CHST8: variants seen among roughly 807,000 people sequenced by gnomAD.
CHST8 encodes GALNAC-4-ST1.
CHST8 carries 10 observed loss-of-function variants against 15.0 expected under a neutral mutation model. That is an observed-to-expected ratio of 0.67 (90% CI 0.41 to 1.13). The LOEUF is 1.13. Ranked by LOEUF, CHST8 falls within the 50% of genes most tolerant of loss-of-function variation. The pLI is 0.00. For synonymous variants in CHST8, 259 were observed against 256.6 expected, an observed-to-expected ratio of 1.01 and a Z score of -0.09; for missense variants, 634 against 608.2, an observed-to-expected ratio of 1.04 and a Z score of -0.45.
At chr19:33,631,338 CTGTT>C (rs1972120000) in intron 1 of CHST8, among the ~76,000 whole-genome samples, 1 of 152,178 alleles carries the variant, frequency 6.6e-6, no homozygotes, top group African/African-American at 2.4e-5. Context: ...TTTCGTGTGT[CTGTT>C]TGAATCTCCT....
intron 1 of CHST8, among the ~76,000 whole-genome samples, chr19:33,639,135 T>C (rs1972245001): frequency 6.7e-6 from 1 of 149,530 alleles, no homozygotes; most frequent in African/African-American, 2.5e-5. Context: ...GCGATTACGT[T>C]CATCAGCTAT....
intron 1 of CHST8, among the ~76,000 whole-genome samples, chr19:33,629,692 G>A (rs1301840858): frequency 3.9e-5 from 6 of 152,248 alleles, no homozygotes; most frequent in Non-Finnish European, 7.3e-5. Context: ...AGCCCAGGTC[G>A]CTGTCACCTT....
At chr19:33,676,988 A>T (rs572183188) in intron 2 of CHST8, among the ~76,000 whole-genome samples, 121 of 152,230 alleles carry the variant, frequency 7.9e-4, no homozygotes, top group Non-Finnish European at 1.6e-3. Flanking sequence ...AATTTTTATT[A>T]TGAAAGTGTC....
Position 33,740,598 on chromosome 19 carries a change from C to T in CHST8, c.131-30815C>T, listed in dbSNP as rs530195032. On this transcript the variant is annotated intron_variant, in intron 3 of 4. Coordinates refer to ENST00000650847, the MANE Select transcript of CHST8 (RefSeq NM_001127895.2). ...ATACCACTGTGTTGAAACTGCAGCA[C>T]GAAGTTTCTCTGCCTCTTCTTTCTC... Among the ~76,000 whole-genome samples, 3 of 152,312 alleles carry T rather than the reference C, an allele frequency of 2.0e-5. No individual in the cohort carries two copies. In the East Asian group the frequency reaches 5.8e-4, roughly 29 times the overall value.
intron 3 of CHST8, among the ~76,000 whole-genome samples, chr19:33,767,408 C>T (rs180739473): frequency 6.6e-6 from 1 of 152,348 alleles, no homozygotes; most frequent in Admixed American, 6.5e-5. Context: ...CTGCCCCAAA[C>T]CCAGGCCTGA....
At chr19:33,740,767 G>A (rs1364065046) in intron 3 of CHST8, among the ~76,000 whole-genome samples, 1 of 152,096 alleles carries the variant, frequency 6.6e-6, no homozygotes, top group African/African-American at 2.4e-5. Flanking sequence ...GCATCATATG[G>A]GACAGTGCAC....
intron 2 of CHST8, among the ~76,000 whole-genome samples, chr19:33,677,029 A>C (rs1972818914): frequency 6.6e-6 from 1 of 152,212 alleles, no homozygotes; most frequent in Admixed American, 6.5e-5. Context: ...GAGCTGCTTC[A>C]AACAGCTGCT....
Position 33,621,955 on chromosome 19 carries a change from T to G in CHST8, c.-505T>G, listed in dbSNP as rs1971987480. On this transcript the variant is annotated 5_prime_UTR_variant, in exon 1 of 5. Coordinates refer to ENST00000650847, the MANE Select transcript of CHST8 (RefSeq NM_001127895.2). ...GCCTCGCCGGAGGCTTCGCTCTCAC[T>G]TCGCTGGGAGCCTTCCCGGCGCGCA... The G allele has an allele frequency of 6.6e-6, 1 of 151,906 alleles. No individual in the cohort carries two copies. The highest frequency in any genetic ancestry group is 2.0e-4 in the East Asian group (1 of 5,086). The allele number at this position is 151,906 out of a possible 1,614,324, so 9.4% of individuals were successfully genotyped here. A position where few individuals can be genotyped will look rare whatever the true frequency, so the allele number is the denominator to read the frequency against.
intron 3 of CHST8, among the ~76,000 whole-genome samples, chr19:33,721,138 A>T (rs1973781628): frequency 6.6e-6 from 1 of 152,192 alleles, no homozygotes; most frequent in Non-Finnish European, 1.5e-5. Context: ...CCAACCAGAA[A>T]GCTAGTGCTC....
At chr19:33,750,299 A>C (rs1974388686) in intron 3 of CHST8, among the ~76,000 whole-genome samples, 1 of 152,154 alleles carries the variant, frequency 6.6e-6, no homozygotes, top group Non-Finnish European at 1.5e-5. Context: ...GCCTCTCCTA[A>C]CTAGCCGTCT....
Position 33,703,997 on chromosome 19 carries a change from C to T in CHST8, c.130+14606C>T, listed in dbSNP as rs549533965. Among the ~76,000 whole-genome samples, 48 of 152,354 alleles carry T rather than the reference C, an allele frequency of 3.2e-4. No individual in the cohort carries two copies. In the South Asian group the frequency reaches 9.5e-3, roughly 30 times the overall value. On this transcript the variant is annotated intron_variant, in intron 3 of 4. Coordinates refer to ENST00000650847, the MANE Select transcript of CHST8 (RefSeq NM_001127895.2). The stretch of plus-strand genomic sequence containing the variant: ...AGCTCCTGGGGGCTTCTCATGTTCG[C>T]GTCTGGGGTCCCAGAGGGAAGTCGG...
chr19:33,649,482 G>T (rs142750243), intron 1 of CHST8, among the ~76,000 whole-genome samples: 1 of 152,292 alleles, frequency 6.6e-6, no homozygotes, highest in East Asian at 1.9e-4. Context: ...TTCGAGGGAG[G>T]GCAGGGTGGA....
At chr19:33,630,258 T>A (rs986393492) in intron 1 of CHST8, among the ~76,000 whole-genome samples, 1 of 152,126 alleles carries the variant, frequency 6.6e-6, no homozygotes, top group Non-Finnish European at 1.5e-5. Context: ...CAGGTTACAG[T>A]GTTGGTGCAG....
intron 1 of CHST8, among the ~76,000 whole-genome samples, chr19:33,625,324 G>A (rs568136350): frequency 4.1e-5 from 5 of 122,198 alleles, no homozygotes; most frequent in Admixed American, 7.9e-5. Flanking sequence ...CTCGTGATCC[G>A]CCCACCTTGG....
intron 3 of CHST8, among the ~76,000 whole-genome samples, chr19:33,691,078 C>G (rs1376297053): frequency 1.3e-5 from 2 of 152,194 alleles, no homozygotes; most frequent in Admixed American, 6.5e-5. Context: ...CTGGATGGGA[C>G]TGTGGTTTGG....
chr19:33,670,275 A>G (rs1478197093), intron 2 of CHST8, among the ~76,000 whole-genome samples: 1 of 152,220 alleles, frequency 6.6e-6, no homozygotes, highest in Middle Eastern at 3.2e-3. Context: ...AGTGAATTCA[A>G]ATTGCACACT....
At chr19:33,685,980 G>A (rs1454314026) in intron 2 of CHST8, among the ~76,000 whole-genome samples, 1 of 152,164 alleles carries the variant, frequency 6.6e-6, no homozygotes, top group Admixed American at 6.5e-5. Context: ...GGGGAGGCAC[G>A]CTGACCTTTT....
chr19:33,671,233 C>G (rs1308272190), intron 2 of CHST8, among the ~76,000 whole-genome samples: 1 of 152,154 alleles, frequency 6.6e-6, no homozygotes, highest in African/African-American at 2.4e-5. Flanking sequence ...GATATCACAG[C>G]ATCAAAGTAA....
intron 2 of CHST8, among the ~76,000 whole-genome samples, chr19:33,681,081 C>T (rs1163365258): frequency 2.0e-5 from 3 of 152,184 alleles, no homozygotes; most frequent in East Asian, 1.9e-4. Flanking sequence ...CAAGGATCCT[C>T]GTGTTGCTTT....
Sources: gnomAD v4.1 joint callset for allele counts (sites outside exome capture counted in the v4.1 genomes callset) on GRCh38, gnomAD v4.1.1 for gene constraint, MANE v1.5 for transcripts, NCBI Gene and HGNC (gene_info 2026-07-23, HGNC 2026-07-21) for gene names.